EBF1: variants seen among roughly 807,000 people sequenced by gnomAD.
EBF1 encodes the protein transcription factor COE1.
A neutral mutation model predicts 68.4 loss-of-function variants in EBF1; 10 were observed. The observed-to-expected ratio is 0.15, with a 90% CI of 0.09 to 0.25. EBF1 has a LOEUF of 0.25. Ranked by LOEUF, EBF1 falls within the 10% of genes least tolerant of loss-of-function variation. EBF1 has a pLI of 1.00. For missense variants in EBF1, 509 were observed against 794.4 expected, an observed-to-expected ratio of 0.64 and a Z score of 4.32; for synonymous variants, 298 against 299.8, an observed-to-expected ratio of 0.99 and a Z score of 0.06.
chr5:158,819,747 T>A (rs1784455759), intron 8 of EBF1, among the ~76,000 whole-genome samples: 1 of 152,232 alleles, frequency 6.6e-6, no homozygotes, highest in African/African-American at 2.4e-5. Flanking sequence ...CGACTGTACA[T>A]CTTCCATAAA....
At chr5:158,854,079 T>C (rs1413961803) in intron 6 of EBF1, among the ~76,000 whole-genome samples, 1 of 152,214 alleles carries the variant, frequency 6.6e-6, no homozygotes, top group Non-Finnish European at 1.5e-5. Flanking sequence ...AAATGCATAT[T>C]GTTAAGTGTG....
At chr5:159,034,902 TC>T (rs1411253264) in intron 6 of EBF1, among the ~76,000 whole-genome samples, 1 of 152,082 alleles carries the variant, frequency 6.6e-6, no homozygotes, top group Non-Finnish European at 1.5e-5. Flanking sequence ...CAATGCCCTA[TC>T]CCCATTTTTC....
At chr5:159,000,643 G>C (rs568089590) in intron 6 of EBF1, among the ~76,000 whole-genome samples, 1 of 152,178 alleles carries the variant, frequency 6.6e-6, no homozygotes, top group East Asian at 1.9e-4. Flanking sequence ...GGAAAACCTG[G>C]GTCCACAACT....
At chr5:159,030,446 T>C (rs1192439755) in intron 6 of EBF1, among the ~76,000 whole-genome samples, 1 of 152,210 alleles carries the variant, frequency 6.6e-6, no homozygotes, top group African/African-American at 2.4e-5. Flanking sequence ...GATATACTTT[T>C]AATTAAAATC....
At chr5:158,955,259 GT>G (rs1363280518) in intron 6 of EBF1, among the ~76,000 whole-genome samples, 2 of 152,024 alleles carry the variant, frequency 1.3e-5, no homozygotes, top group Non-Finnish European at 2.9e-5. Flanking sequence ...GGAGGCAGGG[GT>G]TGTAGTGAGC....
intron 5 of EBF1, among the ~76,000 whole-genome samples, chr5:159,080,581 G>A (rs891030069): frequency 2.0e-5 from 3 of 152,296 alleles, no homozygotes; most frequent in Middle Eastern, 3.4e-3. Flanking sequence ...CCAAACAACT[G>A]CGCACCAAGT....
At chr5:158,704,432 A>G (rs569413233) in intron 15 of EBF1, among the ~76,000 whole-genome samples, 116 of 152,238 alleles carry the variant, frequency 7.6e-4, no homozygotes, top group African/African-American at 2.8e-3. Context: ...TAAATGTGGC[A>G]CCTCTAATCT....
chr5:158,944,508 G>A (rs1225436004), intron 6 of EBF1, among the ~76,000 whole-genome samples: 1 of 152,172 alleles, frequency 6.6e-6, no homozygotes, highest in African/African-American at 2.4e-5. Context: ...TTGCTATTGT[G>A]AATAGTGCTT....
At chr5:158,723,413 C>T (rs1185476844) in intron 11 of EBF1, among the ~76,000 whole-genome samples, 1 of 152,124 alleles carries the variant, frequency 6.6e-6, no homozygotes, top group African/African-American at 2.4e-5. Context: ...GCCTCTGTGT[C>T]CTCATCTGTA....
intron 5 of EBF1, among the ~76,000 whole-genome samples, chr5:159,075,799 C>G (rs1778674599): frequency 6.6e-6 from 1 of 152,230 alleles, no homozygotes. Context: ...CTTCTGCCCC[C>G]TTCCTCCAAC....
intron 6 of EBF1, among the ~76,000 whole-genome samples, chr5:158,876,166 A>T (rs1345007576): frequency 6.6e-6 from 1 of 152,206 alleles, no homozygotes; most frequent in Non-Finnish European, 1.5e-5. Flanking sequence ...ATATAATAAT[A>T]TTAGCAGGAA....
intron 6 of EBF1, among the ~76,000 whole-genome samples, chr5:159,063,902 T>A (rs55823460): frequency 0.27 from 41,245 of 152,048 alleles, 5,916 homozygotes; most frequent in Non-Finnish European, 0.31. Flanking sequence ...TTTCCCATTT[T>A]GAAGATGAGA....
intron 7 of EBF1, among the ~76,000 whole-genome samples, chr5:158,835,675 A>G (rs1788611898): frequency 6.6e-6 from 1 of 151,432 alleles, no homozygotes; most frequent in Admixed American, 6.6e-5. Context: ...ACTATGGACA[A>G]TTTTTTTTTG....
At chr5:158,750,787 T>G (rs1179194744) in intron 10 of EBF1, among the ~76,000 whole-genome samples, 2 of 151,934 alleles carry the variant, frequency 1.3e-5, no homozygotes, top group African/African-American at 2.4e-5. Flanking sequence ...ATTTAGGGCA[T>G]TTAAAAAAAA....
At chr5:158,755,403 T>C (rs1480142537) in intron 10 of EBF1, among the ~76,000 whole-genome samples, 18 of 152,160 alleles carry the variant, frequency 1.2e-4, no homozygotes. Flanking sequence ...TTGATTTGCA[T>C]CATATGCCAG....
intron 6 of EBF1, among the ~76,000 whole-genome samples, chr5:159,020,072 A>G (rs1766365487): frequency 6.6e-6 from 1 of 152,048 alleles, no homozygotes; most frequent in Admixed American, 6.5e-5. Context: ...AACGTTCTCT[A>G]TAGGTCTTTT....
chr5:158,882,175 T>C (rs1334745553), intron 6 of EBF1, among the ~76,000 whole-genome samples: 2 of 152,260 alleles, frequency 1.3e-5, no homozygotes, highest in East Asian at 3.9e-4. Context: ...GGTCCATTTA[T>C]CAAAAATAAG....
At chr5:158,955,331 A>AAGAG (rs566693160) in intron 6 of EBF1, among the ~76,000 whole-genome samples, 27 of 152,042 alleles carry the variant, frequency 1.8e-4, no homozygotes, top group Middle Eastern at 3.4e-3. Flanking sequence ...CTAAAAAAAA[A>AAGAG]AGAGAGAGAG....
chr5:158,727,139 T>C (rs1763158733), intron 11 of EBF1, among the ~76,000 whole-genome samples: 4 of 152,352 alleles, frequency 2.6e-5, no homozygotes, highest in Admixed American at 2.6e-4. Flanking sequence ...GAGCCCACTC[T>C]CTTGGCCTCT....
Sources: gnomAD v4.1 joint callset for allele counts (sites outside exome capture counted in the v4.1 genomes callset) on GRCh38, gnomAD v4.1.1 for gene constraint, MANE v1.5 for transcripts, NCBI Gene and HGNC (gene_info 2026-07-23, HGNC 2026-07-21) for gene names.